TAMALIN: variants seen among roughly 807,000 people sequenced by gnomAD.
TAMALIN encodes protein TAMALIN.
TAMALIN carries 9 observed loss-of-function variants against 38.5 expected under a neutral mutation model. The observed-to-expected ratio is 0.23, with a 90% CI of 0.14 to 0.41. TAMALIN has a LOEUF of 0.41. TAMALIN is among the 10% of genes least tolerant of loss of function. TAMALIN has a pLI of 1.00. For synonymous variants in TAMALIN, 306 were observed against 256.5 expected (o/e 1.19, Z -1.85); for missense variants, 548 against 554.1 (o/e 0.99, Z 0.11).
At position 52,011,837 on chromosome 12, in the gene TAMALIN, G is replaced by A. The variant is rs1445016202; in HGVS notation, c.454+696G>A. 3.3e-5 allele frequency among the ~76,000 whole-genome samples: 5 copies of A among 152,014 alleles called. No individual in the cohort carries two copies. Among genetic ancestry groups the A allele is most frequent in the Non-Finnish European group, 7.4e-5 (5 of 67,950 alleles). ...GTTCCAGGAAGGGCAGCCTGAAACT[G>A]TATGAATCAATCCCCCCTCCACCAT... On this transcript the variant is annotated intron_variant, in intron 4 of 7. Coordinates refer to ENST00000293662, the MANE Select transcript of TAMALIN (RefSeq NM_181711.4). This position sits in a 1 kb window ranked among gnomAD's most constrained non-coding sequence, Gnocchi z 5.3.
At chr12:52,014,649 C>T (rs938864663) in intron 7 of TAMALIN, 45 bp from the exon 8 acceptor site, 1 of 1,389,520 alleles carries the variant, frequency 7.2e-7, no homozygotes, top group Non-Finnish European at 9.4e-7. Flanking sequence ...GAGGCCACCA[C>T]GGTCCAGGCC....
intron 1 of TAMALIN, chr12:52,008,180 T>C (rs1476219898): frequency 1.0e-6 from 1 of 985,310 alleles, no homozygotes; most frequent in African/African-American, 1.7e-5. Context: ...TCCCCACCCC[T>C]GAGGCCAATC....
intron 1 of TAMALIN, chr12:52,008,043 C>T: frequency 1.0e-6 from 1 of 985,454 alleles, no homozygotes. Flanking sequence ...TCCTTCGCCC[C>T]GGCCCCCAGC....
In TAMALIN at chr12:52,015,089, C is replaced by T. The variant is rs139529598; in HGVS notation, c.1078C>T (p.Leu360=). The T allele has an allele frequency of 0.068, 105,197 of 1,543,942 alleles. 3,981 individuals are homozygous for T. Among genetic ancestry groups the T allele is most frequent in the South Asian group, 0.082 (7,007 of 85,732 alleles). ...CTGGACTGAGGCTCGCGAGCAGGCC[C>T]TATGCGGCCCCGGCCTGCGCAAAAC... The part of the protein sequence containing the change: ...ALWTEAREQA[L]CGPGLRKTKY... Residue 360 remains leucine, a synonymous_variant, in exon 8 of 8, where the codon CTA becomes TTA. Coordinates refer to ENST00000293662, the MANE Select transcript of TAMALIN (RefSeq NM_181711.4).
chr12:52,010,616 G>A, intron 2 of TAMALIN: 3 of 1,188,256 alleles, frequency 2.5e-6, no homozygotes, highest in South Asian at 1.6e-5. Context: ...AAAAAACTCA[G>A]CCGGCTCATC....
chr12:52,014,666 GC>G, intron 7 of TAMALIN, 27 bp from the exon 8 acceptor site: 2 of 1,445,826 alleles, frequency 1.4e-6, no homozygotes, highest in Non-Finnish European at 9.0e-7. Context: ...GGCCTGACCC[GC>G]CCCCTACCTC....
At chr12:52,009,079 A>C in intron 1 of TAMALIN, 111 bp from the exon 2 acceptor site, 1 of 1,008,488 alleles carries the variant, frequency 9.9e-7, no homozygotes, top group East Asian at 2.4e-5. Flanking sequence ...GTGGATGTGG[A>C]GCTGGGAAGG....
intron 1 of TAMALIN, chr12:52,008,807 C>T (rs1435536548): frequency 4.3e-5 from 42 of 966,834 alleles, no homozygotes; most frequent in Non-Finnish European, 4.8e-5. Flanking sequence ...GGGGAAGAGC[C>T]CCTGCCTCAG....
intron 2 of TAMALIN, 61 bp downstream of exon 2, chr12:52,009,300 G>A: frequency 6.6e-7 from 1 of 1,509,782 alleles, no homozygotes; most frequent in Non-Finnish European, 9.2e-7. Flanking sequence ...GGGTTGGGGG[G>A]TGCCAGGACA....
At position 52,011,337 on chromosome 12, in the gene TAMALIN, C is replaced by G; in HGVS notation, c.454+196C>G. On this transcript the variant is annotated intron_variant, in intron 4 of 7. Coordinates refer to ENST00000293662, the MANE Select transcript of TAMALIN (RefSeq NM_181711.4). This position sits in a 1 kb window ranked among gnomAD's most constrained non-coding sequence, Gnocchi z 5.3. ...ATGTACTGTGTGATCTTGCACAGCC[C>G]CATCTACAAAATGAGGGTAATAATG... is the stretch of plus-strand genomic sequence containing the variant. The G allele has an allele frequency of 2.4e-6, 2 of 841,608 alleles. No homozygotes were observed. The highest frequency in any genetic ancestry group is 1.9e-6 in the Non-Finnish European group (1 of 535,548). The allele number at this position is 841,608 out of a possible 1,614,324, so 52.1% of individuals were successfully genotyped here.
chr12:52,014,195 G>A lies in TAMALIN; in HGVS notation c.676G>A (p.Val226Met), dbSNP rs935436683. 2.5e-6 allele frequency: 4 copies of A among 1,599,092 alleles called. No homozygotes were observed. The African/African-American group carries it at 5.4e-5, about 21-fold the overall frequency. ...CCTAATGGTGCAGGAGCAGCGGCTG[G>A]TGCATGGTGAGTAGATCCCGGGGTG... ...RSLMVQEQRL[V>M]HGLVVKDPSI... is the part of the protein sequence containing the mutation. The change falls in exon 7 of 8, where the codon GTG (valine) becomes ATG (methionine). Residue 226 changes from valine to methionine, a missense_variant. Val to Met is a conservative substitution (Grantham distance 21). Around this residue, in one of 3 missense-constraint regions of TAMALIN, gnomAD observed 415 missense variants for 417.0 expected, o/e 1.00. Transcript: ENST00000293662.
Position 52,015,044 on chromosome 12 carries a change from G to C in TAMALIN, c.1033G>C (p.Gly345Arg). The change falls in exon 8 of 8, where the codon GGG (glycine) becomes CGG (arginine). Residue 345 changes from glycine to arginine, a missense_variant. Physicochemically the swap from Gly to Arg is moderately radical, Grantham distance 125. Transcript: ENST00000293662. ...RCAGPGGGGG[G>R]GAPGALWTEA... is the part of the protein sequence containing the mutation. The stretch of plus-strand genomic sequence containing the variant: ...CGCGGGCCCTGGCGGGGGCGGAGGC[G>C]GGGGCGCGCCGGGCGCGCTCTGGAC... 1 of 1,354,222 alleles carries C rather than the reference G, an allele frequency of 7.4e-7. No homozygotes were observed. 83.9% of individuals were successfully genotyped at this position (1,354,222 alleles called of 1,614,324 possible). A position where few individuals can be genotyped will look rare whatever the true frequency, so the allele number is the denominator to read the frequency against.
chr12:52,015,468 C>CA lies in TAMALIN; in HGVS notation c.*270dup, dbSNP rs1281441752. ...GGCCAAAGATGGGGGTGCTCGCCTACAGTCTGCATCTGTAGTGCCTTGTGG... is the reference window on the plus strand; with the variant it reads ...GGCCAAAGATGGGGGTGCTCGCCTACAAGTCTGCATCTGTAGTGCCTTGTGG... On this transcript the variant is annotated 3_prime_UTR_variant, in exon 8 of 8. Transcript: ENST00000293662. 1.4e-5 allele frequency: 6 copies of CA among 428,892 alleles called. No homozygotes were observed. In the East Asian group the frequency reaches 3.0e-4, roughly 22 times the overall value. 26.6% of individuals were successfully genotyped at this position (428,892 alleles called of 1,614,324 possible). A position where few individuals can be genotyped will look rare whatever the true frequency, so the allele number is the denominator to read the frequency against.
chr12:52,014,234 G>A (rs755906557), intron 7 of TAMALIN, 33 bp downstream of exon 7: 5 of 1,546,604 alleles, frequency 3.2e-6, no homozygotes, highest in Non-Finnish European at 4.4e-6. Context: ...GGGGCCACTT[G>A]TTCTGCTACA....
rs11286503 is a variant in TAMALIN, at chr12:52,011,605, CTTT to C, written c.454+475_454+477del. Among the ~76,000 whole-genome samples, 1 of 148,892 alleles carries C rather than the reference CTTT, an allele frequency of 6.7e-6. No individual in the cohort carries two copies. The highest frequency in any genetic ancestry group is 1.5e-5 in the Non-Finnish European group (1 of 67,140). On this transcript the variant is annotated intron_variant, in intron 4 of 7. Coordinates refer to ENST00000293662, the MANE Select transcript of TAMALIN (RefSeq NM_181711.4). This position sits in a 1 kb window ranked among gnomAD's most constrained non-coding sequence, Gnocchi z 5.3. ...TTACTCCCTTTTAAAAAATTAGAAA[CTTT>C]TTTTTTTTTTAAGAGACAGGGCCTC...
Position 52,014,872 on chromosome 12 carries a change from G to A in TAMALIN, c.861G>A (p.Thr287=), listed in dbSNP as rs1201448279. 6 of 1,268,308 alleles carry A rather than the reference G, an allele frequency of 4.7e-6. No individual in the cohort carries two copies. The highest frequency in any genetic ancestry group is 3.2e-5 in the African/African-American group (2 of 62,138). The allele number at this position is 1,268,308 out of a possible 1,614,324, so 78.6% of individuals were successfully genotyped here. The change falls in exon 8 of 8, where the codon ACG becomes ACA. Residue 287 remains threonine, a synonymous_variant. Transcript: ENST00000293662. ...ACGCCGACGACGCCGTCTACCACAC[G>A]TGCTTCTTCGGGGACTCCGAGCCGC... ...RGDADDAVYH[T]CFFGDSEPPA...
chr12:52,014,079 C>T lies in TAMALIN; in HGVS notation c.616-56C>T, dbSNP rs371265066. On this transcript the variant is annotated intron_variant, in intron 6 of 7. Transcript: ENST00000293662. ...CTCCCTGATCCCTCGTCTGTACCCA[C>T]GTCCTGCTAGTTTCCTGCTAGCTTG... 1,642 of 1,574,408 alleles carry T rather than the reference C, an allele frequency of 1.0e-3. 15 individuals are homozygous for T. The highest frequency in any genetic ancestry group is 8.4e-3 in the South Asian group (756 of 89,508).
Position 52,014,056 on chromosome 12 carries a change from C to T in TAMALIN, c.616-79C>T. On this transcript the variant is annotated intron_variant, in intron 6 of 7. Transcript: ENST00000293662. ...TAACTGAAGATTTCTTTTGTCTACTCCCTGATCCCTCGTCTGTACCCACGT... is the reference window on the plus strand; with the variant it reads ...TAACTGAAGATTTCTTTTGTCTACTTCCTGATCCCTCGTCTGTACCCACGT... The T allele has an allele frequency of 1.9e-6, 3 of 1,553,380 alleles. No individual in the cohort carries two copies. In the South Asian group the frequency reaches 3.3e-5, roughly 17 times the overall value.
Position 52,011,332 on chromosome 12 carries a change from C to A in TAMALIN, c.454+191C>A. The stretch of plus-strand genomic sequence containing the variant: ...TTGCCATGTACTGTGTGATCTTGCA[C>A]AGCCCCATCTACAAAATGAGGGTAA... On this transcript the variant is annotated intron_variant, in intron 4 of 7. Transcript: ENST00000293662. The surrounding 1 kb of genome is among the most constrained non-coding windows in gnomAD (Gnocchi z 5.3). 2 of 875,270 alleles carry A rather than the reference C, an allele frequency of 2.3e-6. No individual in the cohort carries two copies. The highest frequency in any genetic ancestry group is 1.5e-5 in the South Asian group (1 of 64,792). 54.2% of individuals were successfully genotyped at this position (875,270 alleles called of 1,614,324 possible).
Sources: allele counts gnomAD v4.1 joint callset (sites outside exome capture counted in the v4.1 genomes callset), GRCh38; gene constraint gnomAD v4.1.1; regional missense constraint gnomAD v4.1.1; non-coding constraint Gnocchi (gnomAD v3.1); transcripts MANE v1.5; gene names NCBI Gene and HGNC (gene_info 2026-07-23, HGNC 2026-07-21).